NCOA6: variants seen among roughly 807,000 people sequenced by gnomAD.
The protein encoded by NCOA6 is NRC RAP250.
Under a neutral mutation model 171.4 loss-of-function variants are expected in NCOA6, and 49 were observed. That is an observed-to-expected ratio of 0.29 (90% CI 0.23 to 0.36). The LOEUF (loss-of-function observed/expected upper bound fraction) is 0.36. NCOA6 is among the 10% of genes least tolerant of loss of function. The pLI, the probability that NCOA6 is intolerant of heterozygous loss-of-function variation, is 1.00. For missense variants in NCOA6, 2,248 were observed against 2,554.5 expected (o/e 0.88, Z 2.59); for synonymous variants, 910 against 927.5 (o/e 0.98, Z 0.34).
intron 5 of NCOA6, among the ~76,000 whole-genome samples, chr20:34,764,422 G>A (rs909026870): frequency 1.3e-5 from 2 of 152,088 alleles, no homozygotes; most frequent in African/African-American, 4.8e-5. Flanking sequence ...GGCCGGACGC[G>A]GTGGCTCACG....
chr20:34,772,982 T>C (rs2180276), intron 4 of NCOA6, among the ~76,000 whole-genome samples: 5 of 151,966 alleles, frequency 3.3e-5, no homozygotes, highest in Admixed American at 3.3e-4. Flanking sequence ...ATTTACCAAC[T>C]GCATATATGC....
Position 34,758,120 on chromosome 20 carries a change from C to T in NCOA6, c.644-16G>A. 1 of 1,584,758 alleles carries T rather than the reference C, an allele frequency of 6.3e-7. No individual in the cohort carries two copies. Among genetic ancestry groups the T allele is most frequent in the Non-Finnish European group, 8.6e-7 (1 of 1,163,228 alleles). ...TCCATTGCATCTGTTTAAAGATAGT[C>T]AACAAAGCAATAATTAACCTACTGC... On this transcript the variant is annotated splice_polypyrimidine_tract_variant and intron_variant, in intron 6 of 14. Coordinates refer to ENST00000359003, the MANE Select transcript of NCOA6 (RefSeq NM_014071.5).
At position 34,715,371 on chromosome 20, in the gene NCOA6, G is replaced by C. The variant is rs1568692608; in HGVS notation, c.6149-6C>G. 6.2e-7 allele frequency: 1 copy of C among 1,608,338 alleles called. No individual in the cohort carries two copies. Among genetic ancestry groups the C allele is most frequent in the East Asian group, 2.2e-5 (1 of 44,836 alleles). ...TTGCACCGCACTGGTTATGTCTGTG[G>C]GGGAAAGAAAGGACATGTTCAGTGG... is the stretch of plus-strand genomic sequence containing the variant. On this transcript the variant is annotated splice_region_variant and splice_polypyrimidine_tract_variant and intron_variant, in intron 14 of 14. Coordinates refer to ENST00000359003, the MANE Select transcript of NCOA6 (RefSeq NM_014071.5).
At chr20:34,746,343 G>A (rs770817390) in intron 10 of NCOA6, among the ~76,000 whole-genome samples, 17 of 151,546 alleles carry the variant, frequency 1.1e-4, no homozygotes, top group Non-Finnish European at 2.2e-4. Flanking sequence ...GGGCTCAGGT[G>A]ATGCTCCCAC....
intron 8 of NCOA6, 101 bp from the exon 9 acceptor site, chr20:34,750,620 T>C (rs2076445834): frequency 2.4e-6 from 3 of 1,244,336 alleles, no homozygotes; most frequent in Non-Finnish European, 3.2e-6. Flanking sequence ...CCATCACCCT[T>C]ATATCCACTG....
chr20:34,801,396 GTGAAA>G (rs2078250399), intron 1 of NCOA6, among the ~76,000 whole-genome samples: 1 of 152,076 alleles, frequency 6.6e-6, no homozygotes, highest in Non-Finnish European at 1.5e-5. Context: ...CACAAGATCA[GTGAAA>G]TGAAAAGCTG....
At chr20:34,807,768 G>A (rs1049057182) in intron 1 of NCOA6, among the ~76,000 whole-genome samples, 30 of 151,874 alleles carry the variant, frequency 2.0e-4, no homozygotes, top group Non-Finnish European at 3.5e-4. Flanking sequence ...CTCATGATCC[G>A]CCCTCCTCGG....
In NCOA6 at chr20:34,748,165, C is replaced by T. The variant is rs1258269877; in HGVS notation, c.2793-1237G>A. 2.0e-5 allele frequency among the ~76,000 whole-genome samples: 3 copies of T among 151,924 alleles called. No individual in the cohort carries two copies. In the East Asian group the frequency reaches 5.8e-4, roughly 29 times the overall value. ...CACTAGAGGCAACTGAATAACCTTGCAATTTTACTCCCAGACTACCGAGAG... is the reference window on the plus strand; with the variant it reads ...CACTAGAGGCAACTGAATAACCTTGTAATTTTACTCCCAGACTACCGAGAG... On this transcript the variant is annotated intron_variant, in intron 9 of 14. Coordinates refer to ENST00000359003, the MANE Select transcript of NCOA6 (RefSeq NM_014071.5).
intron 14 of NCOA6, among the ~76,000 whole-genome samples, chr20:34,716,215 CAAA>C (rs34030662): frequency 1.4e-5 from 1 of 73,808 alleles, no homozygotes. Context: ...GACTCCGTCT[CAAA>C]AAAAAAAAAA....
At chr20:34,819,596 G>C (rs545627283) in intron 1 of NCOA6, 1 of 152,088 alleles carries the variant, frequency 6.6e-6, no homozygotes, top group Non-Finnish European at 1.5e-5. Context: ...AGCATCTCCT[G>C]CAACACTCAG....
At chr20:34,762,678 G>A (rs2076852699) in intron 5 of NCOA6, among the ~76,000 whole-genome samples, 1 of 152,034 alleles carries the variant, frequency 6.6e-6, no homozygotes, top group East Asian at 1.9e-4. Flanking sequence ...TACTAAATAA[G>A]TCAATGCTTA....
chr20:34,795,364 T>C (rs78450520), intron 1 of NCOA6, among the ~76,000 whole-genome samples: 1 of 152,308 alleles, frequency 6.6e-6, no homozygotes, highest in African/African-American at 2.4e-5. Context: ...AGTGAGACTC[T>C]TCATTTATGC....
chr20:34,742,973 G>T lies in NCOA6; in HGVS notation c.3283C>A (p.Gln1095Lys), dbSNP rs1269313919. 6.2e-7 allele frequency: 1 copy of T among 1,613,786 alleles called. No homozygotes were observed. The highest frequency in any genetic ancestry group is 1.1e-5 in the South Asian group (1 of 91,056). ...GTATTCACAGGCATTGGCATTCTTT[G>T]TTTATCAGGTGATGGTGGCACGGAG... ...PASVPPSPDK[Q>K]RMPMPVNTPL... Residue 1095 changes from glutamine to lysine, a missense_variant, in exon 11 of 15, where the codon CAA becomes AAA. By Grantham distance (53) the Gln-to-Lys change is moderately conservative. Transcript: ENST00000359003.
In NCOA6 at chr20:34,740,347, A is replaced by T. The variant is rs1435471381; in HGVS notation, c.5893+16T>A. 7 of 1,595,844 alleles carry T rather than the reference A, an allele frequency of 4.4e-6. No homozygotes were observed. Among genetic ancestry groups the T allele is most frequent in the Non-Finnish European group, 6.0e-6 (7 of 1,168,844 alleles). ...AAAAACTGACACAAAGAGATGATGA[A>T]GCCCCAAGTACATACCTATGCTGGG... is the stretch of plus-strand genomic sequence containing the variant. On this transcript the variant is annotated intron_variant, in intron 11 of 14. Transcript: ENST00000359003.
In NCOA6 at chr20:34,742,843, C is replaced by T. The variant is rs2076189546; in HGVS notation, c.3413G>A (p.Ser1138Asn). ...GCCTCCTGGGACAGATGGTGCTTCA[C>T]TGCCACTTGCTTCAGGGAGTGAGGC... ...EMASLPEASGSEAPSVPGGPN... is the reference protein window; with the variant it reads ...EMASLPEASGNEAPSVPGGPN... The change falls in exon 11 of 15, where the codon AGT becomes AAT. Residue 1138 changes from serine to asparagine, a missense_variant. This residue lies in a region of NCOA6 where 352 missense variants were observed against 419.1 expected (regional missense o/e 0.84). Coordinates refer to ENST00000359003, the MANE Select transcript of NCOA6 (RefSeq NM_014071.5). 1.2e-6 allele frequency: 2 copies of T among 1,614,078 alleles called. No homozygotes were observed. The highest frequency in any genetic ancestry group is 2.7e-5 in the African/African-American group (2 of 74,914).
chr20:34,799,438 A>C (rs2078183914), intron 1 of NCOA6, among the ~76,000 whole-genome samples: 1 of 152,218 alleles, frequency 6.6e-6, no homozygotes, highest in African/African-American at 2.4e-5. Flanking sequence ...ATAATAACAG[A>C]GAATTTCCCA....
chr20:34,757,294 A>C lies in NCOA6; in HGVS notation c.1454T>G (p.Val485Gly). Residue 485 changes from valine (V) to glycine (G), a missense_variant, in exon 7 of 15, where the codon GTG (valine) becomes GGG (glycine). By Grantham distance (109) the Val-to-Gly change is moderately radical. Coordinates refer to ENST00000359003, the MANE Select transcript of NCOA6 (RefSeq NM_014071.5). ...CTGCATCACCATGAAGTTAGGTGGC[A>C]CATTTCCCTGTTGAACCATAGGATT... ...GRNPMVQQGN[V>G]PPNFMVMQQQ... The C allele has an allele frequency of 6.2e-7, 1 of 1,613,846 alleles. No homozygotes were observed. The highest frequency in any genetic ancestry group is 8.5e-7 in the Non-Finnish European group (1 of 1,179,818).
intron 10 of NCOA6, among the ~76,000 whole-genome samples, chr20:34,744,374 C>T (rs939387287): frequency 2.6e-5 from 4 of 152,074 alleles, no homozygotes; most frequent in African/African-American, 9.7e-5. Flanking sequence ...CCAAGAATAA[C>T]GGTGGTTCTG....
Position 34,782,368 on chromosome 20 carries a change from T to A in NCOA6, c.-13A>T. On this transcript the variant is annotated 5_prime_UTR_variant, in exon 3 of 15. Coordinates refer to ENST00000359003, the MANE Select transcript of NCOA6 (RefSeq NM_014071.5). Reference sequence around the variant, plus strand: ...CATCCAAAACCATGGTGAATATTATTCCAGAAGCATATGCCAAGAGGACAA... The same window carrying A: ...CATCCAAAACCATGGTGAATATTATACCAGAAGCATATGCCAAGAGGACAA... 1 of 1,523,156 alleles carries A rather than the reference T, an allele frequency of 6.6e-7. No individual in the cohort carries two copies. Among genetic ancestry groups the A allele is most frequent in the Non-Finnish European group, 9.0e-7 (1 of 1,112,472 alleles). 94.4% of individuals were successfully genotyped at this position (1,523,156 alleles called of 1,614,324 possible). A position where few individuals can be genotyped will look rare whatever the true frequency, so the allele number is the denominator to read the frequency against.
Sources: gnomAD v4.1 joint callset for allele counts (sites outside exome capture counted in the v4.1 genomes callset) on GRCh38, gnomAD v4.1.1 for gene constraint, gnomAD v4.1.1 regional missense constraint, MANE v1.5 for transcripts, NCBI Gene and HGNC (gene_info 2026-07-23, HGNC 2026-07-21) for gene names.